Variants in DAAM1 observed in about 807,000 individuals in gnomAD.
DAAM1 encodes the protein disheveled-associated activator of morphogenesis 1.
In DAAM1, 52 loss-of-function variants were observed where a neutral mutation model predicts 130.0. That is an observed-to-expected ratio of 0.40 (90% CI 0.32 to 0.50). The LOEUF (loss-of-function observed/expected upper bound fraction) is 0.50, where lower values mean the gene tolerates loss of function less well. Among genes scored for constraint, DAAM1 ranks in the 20% least tolerant of loss-of-function variants. DAAM1 has a pLI of 0.61. For synonymous variants in DAAM1, 452 were observed against 444.5 expected, an observed-to-expected ratio of 1.02 and a Z score of -0.21; for missense variants, 1,134 against 1,303.8, an observed-to-expected ratio of 0.87 and a Z score of 2.01.
At chr14:59,345,830 G>A (rs1886056020) in intron 16 of DAAM1, among the ~76,000 whole-genome samples, 1 of 152,006 alleles carries the variant, frequency 6.6e-6, no homozygotes, top group South Asian at 2.1e-4. Flanking sequence ...TTCCTTCTTA[G>A]TACTCCCAGG....
At chr14:59,240,284 A>G (rs1365753478) in intron 1 of DAAM1, among the ~76,000 whole-genome samples, 1 of 152,128 alleles carries the variant, frequency 6.6e-6, no homozygotes, top group African/African-American at 2.4e-5. Flanking sequence ...ATATCTTCCT[A>G]TCACGCATAT....
chr14:59,314,650 C>T (rs1884717100), intron 3 of DAAM1, among the ~76,000 whole-genome samples: 1 of 152,132 alleles, frequency 6.6e-6, no homozygotes, highest in Non-Finnish European at 1.5e-5. Flanking sequence ...AGTTCTTTTC[C>T]ACTCAGAGGC....
At chr14:59,208,516 A>T (rs1888330529) in intron 1 of DAAM1, among the ~76,000 whole-genome samples, 1 of 152,138 alleles carries the variant, frequency 6.6e-6, no homozygotes, top group African/African-American at 2.4e-5. Flanking sequence ...AAAACTGACC[A>T]CCATCTCTAG....
At position 59,205,686 on chromosome 14, in the gene DAAM1, T is replaced by A. The variant is rs17095859; in HGVS notation, c.-38+16918T>A. Among the ~76,000 whole-genome samples the A allele has an allele frequency of 7.5e-3, 1,138 of 152,356 alleles. 19 individuals are homozygous for A. The highest frequency in any genetic ancestry group is 0.025 in the African/African-American group (1,052 of 41,594). Reference sequence around the variant, plus strand: ...CATGATGTACTATATTTAAAATCTTTACCTTGGAATATTCTGTTTTTAAAA... The same window carrying A: ...CATGATGTACTATATTTAAAATCTTAACCTTGGAATATTCTGTTTTTAAAA... On this transcript the variant is annotated intron_variant, in intron 1 of 24. Transcript: ENST00000360909.
At chr14:59,322,501 GAAA>G (rs10570231) in intron 5 of DAAM1, among the ~76,000 whole-genome samples, 7 of 147,406 alleles carry the variant, frequency 4.7e-5, no homozygotes, top group Admixed American at 6.7e-5. Flanking sequence ...CTCTCTTAAA[GAAA>G]AAAAAAAAAA....
At chr14:59,238,658 G>C (rs192712684) in intron 1 of DAAM1, among the ~76,000 whole-genome samples, 1 of 152,122 alleles carries the variant, frequency 6.6e-6, no homozygotes, top group Non-Finnish European at 1.5e-5. Context: ...AACCCTTCAC[G>C]TATAACCCCT....
intron 4 of DAAM1, among the ~76,000 whole-genome samples, chr14:59,317,430 T>C (rs1331191493): frequency 6.6e-6 from 1 of 152,186 alleles, no homozygotes; most frequent in Non-Finnish European, 1.5e-5. Flanking sequence ...ATGATGTCTG[T>C]ACTGGAGAAT....
chr14:59,228,215 A>G (rs1299656151), intron 1 of DAAM1, among the ~76,000 whole-genome samples: 2 of 152,150 alleles, frequency 1.3e-5, no homozygotes, highest in African/African-American at 4.8e-5. Flanking sequence ...ACATTCTGTC[A>G]TTCTCTATTC....
intron 1 of DAAM1, among the ~76,000 whole-genome samples, chr14:59,197,087 G>A (rs143720575): frequency 0.085 from 12,925 of 152,052 alleles, 750 homozygotes; most frequent in Non-Finnish European, 0.13. Context: ...CGCCTGGCTA[G>A]TTTTTTGTAT....
intron 17 of DAAM1, among the ~76,000 whole-genome samples, chr14:59,349,633 C>T (rs992760108): frequency 6.6e-6 from 1 of 152,252 alleles, no homozygotes; most frequent in African/African-American, 2.4e-5. Flanking sequence ...CTTTCATCCC[C>T]TCCTCTCTTG....
chr14:59,200,361 GA>G (rs893440587), intron 1 of DAAM1, among the ~76,000 whole-genome samples: 2 of 151,710 alleles, frequency 1.3e-5, no homozygotes, highest in African/African-American at 2.4e-5. Flanking sequence ...AAATGCTTTA[GA>G]AAAAAAACCT....
intron 17 of DAAM1, among the ~76,000 whole-genome samples, chr14:59,351,909 C>T (rs1425890938): frequency 6.6e-6 from 1 of 152,134 alleles, no homozygotes; most frequent in Non-Finnish European, 1.5e-5. Flanking sequence ...TTCCACATCC[C>T]ATGCTCATTT....
intron 1 of DAAM1, among the ~76,000 whole-genome samples, chr14:59,195,283 A>G: frequency 6.6e-6 from 1 of 151,900 alleles, no homozygotes; most frequent in East Asian, 1.9e-4. Flanking sequence ...AGCTGGGACT[A>G]CAGGTGTCCA....
chr14:59,287,677 A>G (rs772056798), intron 2 of DAAM1, among the ~76,000 whole-genome samples: 2 of 152,202 alleles, frequency 1.3e-5, no homozygotes, highest in South Asian at 2.1e-4. Context: ...TCCACTTACA[A>G]TAGCTTCAAA....
chr14:59,241,215 T>C (rs943266364), intron 1 of DAAM1, among the ~76,000 whole-genome samples: 5 of 152,244 alleles, frequency 3.3e-5, no homozygotes, highest in African/African-American at 9.6e-5. Flanking sequence ...TTATACAATA[T>C]GTTCTCTCCA....
chr14:59,326,674 GT>G (rs1885216532), intron 11 of DAAM1, 26 bp downstream of exon 11: 1 of 1,606,746 alleles, frequency 6.2e-7, no homozygotes, highest in African/African-American at 1.3e-5. Context: ...TTCTGCTGCT[GT>G]GAGATAATGG....
rs564454151 is a variant in DAAM1 at position 59,208,872 on chromosome 14, C to G, written c.-38+20104C>G. ...TGTTTAAAAGAGTTTAGGACCTTCC[C>G]CTATCTTTCTCTTGCTCCTTCTCTG... On this transcript the variant is annotated intron_variant, in intron 1 of 24. Coordinates refer to ENST00000360909, the MANE Select transcript of DAAM1 (RefSeq NM_001270520.2). Among the ~76,000 whole-genome samples the G allele has an allele frequency of 3.9e-5, 6 of 152,212 alleles. No individual in the cohort carries two copies. The South Asian group carries it at 1.2e-3, about 32-fold the overall frequency.
chr14:59,360,386 GAACA>G (rs1886658468), intron 21 of DAAM1, among the ~76,000 whole-genome samples: 5 of 152,218 alleles, frequency 3.3e-5, no homozygotes, highest in African/African-American at 7.2e-5. Context: ...GTGAAAAGCA[GAACA>G]CTGATTATAC....
At chr14:59,315,400 AG>A in intron 4 of DAAM1, 49 bp downstream of exon 4, 1 of 1,527,154 alleles carries the variant, frequency 6.5e-7, no homozygotes, top group Non-Finnish European at 9.0e-7. Context: ...ATGCAAGTGT[AG>A]TACAAAGTAC....
Sources: allele counts gnomAD v4.1 joint callset (sites outside exome capture counted in the v4.1 genomes callset), GRCh38; gene constraint gnomAD v4.1.1; transcripts MANE v1.5; gene names NCBI Gene and HGNC (gene_info 2026-07-23, HGNC 2026-07-21).